The following MCF2 variants were observed in gnomAD, a reference collection of about 807,000 sequenced individuals.
MCF2 encodes MCF.2 cell line derived transforming sequence.
In MCF2, 44 loss-of-function variants were observed where a neutral mutation model predicts 82.5. The observed-to-expected ratio is 0.53, with a 90% confidence interval of 0.42 to 0.69. The LOEUF is 0.69. Among genes scored for constraint, MCF2 ranks in the 30% least tolerant of loss-of-function variants. The pLI is 0.00. For missense variants in MCF2, 623 were observed against 663.1 expected, an observed-to-expected ratio of 0.94 and a Z score of 0.66; for synonymous variants, 217 against 224.9, an observed-to-expected ratio of 0.96 and a Z score of 0.32.
At chrX:139,604,820 C>T in intron 14 of MCF2, 49 bp downstream of exon 18, 2 of 1,069,218 alleles carry the variant, frequency 1.9e-6, no homozygotes, top group Non-Finnish European at 2.6e-6. Context: ...AAAGAGAGCA[C>T]TTTAAATAGT....
chrX:139,608,964 A>T lies in MCF2; in HGVS notation c.1402-1185T>A, dbSNP rs1156992515. On this transcript the variant is annotated intron_variant, in intron 11 of 24. Coordinates refer to ENST00000370576, the Ensembl canonical transcript of MCF2. ...ACCATTCACTAGGCTGCTATTAATT[A>T]TATTAAAACTTAGAGCATTATCATA... Among the ~76,000 whole-genome samples, 3 of 112,134 alleles carry T rather than the reference A, an allele frequency of 2.7e-5. No individual in the cohort carries two copies. The Admixed American group carries it at 2.8e-4, about 11-fold the overall frequency.
At chrX:139,651,810 G>C in intron 1 of MCF2, 22 bp from the exon 2 acceptor site, 1 of 964,879 alleles carries the variant, frequency 1.0e-6, no homozygotes, top group Non-Finnish European at 1.4e-6. Flanking sequence ...GAAAATAGAA[G>C]AAATGACATA....
chrX:139,583,985 G>A (rs1280195457), intron 24 of MCF2, among the ~76,000 whole-genome samples: 1 of 110,815 alleles, frequency 9.0e-6, no homozygotes, highest in Non-Finnish European at 1.9e-5. Context: ...AATATTAATT[G>A]AGAAATCATT....
intron 4 of MCF2, 83 bp from the exon 8 acceptor site, chrX:139,626,839 C>A: frequency 1.2e-6 from 1 of 822,975 alleles, no homozygotes; most frequent in Non-Finnish European, 1.7e-6. Context: ...ACAACTATGG[C>A]ATGAAGAATC....
exon 22 of MCF2, chrX:139,587,763 T>C: frequency 8.4e-7 from 1 of 1,190,863 alleles, no homozygotes; most frequent in Non-Finnish European, 1.1e-6. Context: ...GTTCTGTTAA[T>C]TGATCCTGTT....
chrX:139,587,612 T>C (rs1894740134), intron 22 of MCF2, 104 bp downstream of exon 26: 1 of 541,151 alleles, frequency 1.8e-6, no homozygotes, highest in African/African-American at 2.3e-5. Context: ...ATTGCTAAAT[T>C]GGTGGATGGT....
At chrX:139,600,850 C>G (rs1930497318) in intron 16 of MCF2, among the ~76,000 whole-genome samples, 1 of 110,615 alleles carries the variant, frequency 9.0e-6, no homozygotes, top group South Asian at 3.8e-4. Context: ...TAATAGGAAC[C>G]AAACAAAGAG....
chrX:139,598,160 C>T (rs1302710451), intron 17 of MCF2, among the ~76,000 whole-genome samples: 1 of 111,658 alleles, frequency 9.0e-6, no homozygotes, highest in Non-Finnish European at 1.9e-5. Flanking sequence ...GTGCGGAAAT[C>T]AACACAACTT....
intron 1 of MCF2, among the ~76,000 whole-genome samples, chrX:139,664,116 G>A (rs1439851542): frequency 9.1e-6 from 1 of 109,454 alleles, no homozygotes; most frequent in African/African-American, 3.3e-5. Flanking sequence ...GCAATTCTCC[G>A]GCCTTAGCCT....
chrX:139,651,692 T>C lies in MCF2; in HGVS notation c.25+28A>G, dbSNP rs190061795. On this transcript the variant is annotated intron_variant, in intron 2 of 27. Transcript: ENST00000414978. ...CTGCTAATCAAGTCATATATCTATC[T>C]GGACTATATATAAGAAAGTTTGCTT... 1.4e-3 allele frequency: 1,365 copies of C among 993,423 alleles called. 10 individuals are homozygous for C. The African/African-American group carries it at 0.022, about 16-fold the overall frequency. 81.9% of individuals were successfully genotyped at this position (993,423 alleles called of 1,213,427 possible).
chrX:139,597,107 G>T (rs1333841008), intron 18 of MCF2, among the ~76,000 whole-genome samples: 1 of 111,072 alleles, frequency 9.0e-6, no homozygotes, highest in Non-Finnish European at 1.9e-5. Flanking sequence ...CTGTTAAAAG[G>T]CTACACAAGT....
exon 9 of MCF2, chrX:139,616,332 G>A (rs1340823541): frequency 8.6e-7 from 1 of 1,169,372 alleles, no homozygotes; most frequent in Non-Finnish European, 1.2e-6. Flanking sequence ...AGTGTTTCAG[G>A]TTCATAATTT....
intron 12 of MCF2, chrX:139,607,476 A>G (rs1328574394): frequency 2.4e-5 from 6 of 253,245 alleles, no homozygotes; most frequent in Non-Finnish European, 3.6e-5. Context: ...CTGGGGTAAA[A>G]AAAAGAAGAT....
chrX:139,661,871 A>G lies in MCF2; in HGVS notation c.-44-10083T>C, dbSNP rs181194384. Among the ~76,000 whole-genome samples the G allele has an allele frequency of 2.8e-3, 310 of 112,478 alleles. 2 individuals are homozygous for G. The highest frequency in any genetic ancestry group is 4.6e-3 in the Middle Eastern group (1 of 217). ...GTATATAAATATATTTGTTGTAATA[A>G]TATTAGCCATGAGTTCAACTATGTT... On this transcript the variant is annotated intron_variant, in intron 1 of 27. Transcript: ENST00000414978.
At chrX:139,627,156 T>G (rs528311585) in intron 4 of MCF2, among the ~76,000 whole-genome samples, 2 of 111,542 alleles carry the variant, frequency 1.8e-5, no homozygotes, top group East Asian at 5.6e-4. Flanking sequence ...GGACACAAAC[T>G]CCTGGGCTCA....
chrX:139,639,746 T>C (rs1280346507), intron 1 of MCF2, among the ~76,000 whole-genome samples: 1 of 111,962 alleles, frequency 8.9e-6, no homozygotes, highest in Non-Finnish European at 1.9e-5. Context: ...CATCACCCTA[T>C]GCACACTTTT....
In MCF2 at chrX:139,625,404, G is replaced by T. The variant is rs768226058; in HGVS notation, c.687+789C>A. ...AGGTTTCATGCAGAACATTTCAAAAGATGTTTGAATCAAAGGAGAGAAAAC... is the reference window on the plus strand; with the variant it reads ...AGGTTTCATGCAGAACATTTCAAAATATGTTTGAATCAAAGGAGAGAAAAC... On this transcript the variant is annotated intron_variant, in intron 6 of 24. Coordinates refer to ENST00000370576, the Ensembl canonical transcript of MCF2. Among the ~76,000 whole-genome samples, 4 of 111,839 alleles carry T rather than the reference G, an allele frequency of 3.6e-5. No individual in the cohort carries two copies. The South Asian group carries it at 1.5e-3, about 42-fold the overall frequency.
intron 12 of MCF2, among the ~76,000 whole-genome samples, chrX:139,606,628 G>A (rs1227864521): frequency 4.5e-5 from 5 of 111,586 alleles, no homozygotes; most frequent in Non-Finnish European, 9.4e-5. Context: ...CAACATGCTG[G>A]GATTGCAGGC....
rs41304534 is a variant in MCF2, at chrX:139,616,374, C to T, written c.1099G>A (p.Glu367Lys). ...GGTAGAGCCATTTCAAGAAAATTTT[C>T]AATGTCTTGGAGAGCTTTCTGAGCA... The change falls in exon 9 of 25, where the codon GAA (glutamate) becomes AAA (lysine). Residue 367 changes from glutamate to lysine, a missense_variant. Glu to Lys is a moderately conservative substitution (Grantham distance 56). Transcript: ENST00000370576. The T allele has an allele frequency of 2.0e-3, 2,360 of 1,177,531 alleles. 1 individual carries two copies. Among genetic ancestry groups the T allele is most frequent in the Non-Finnish European group, 2.5e-3 (2,177 of 873,054 alleles).
Sources: gnomAD v4.1 joint callset for allele counts (sites outside exome capture counted in the v4.1 genomes callset) on GRCh38, gnomAD v4.1.1 for gene constraint, MANE v1.5 for transcripts, NCBI Gene and HGNC (gene_info 2026-07-23, HGNC 2026-07-21) for gene names.